Variants in CALN1 observed in about 807,000 individuals in gnomAD.
CALN1 encodes the protein calneuron 1, also known as calcium-binding protein 8.
A neutral mutation model predicts 30.6 loss-of-function variants in CALN1; 17 were observed. The ratio of observed to expected loss-of-function variants is 0.56; its 90% CI spans 0.38 to 0.83. The LOEUF is 0.83. Ranked by LOEUF, CALN1 falls within the 40% of genes least tolerant of loss-of-function variation. The pLI is 0.00. For synonymous variants in CALN1, 156 were observed against 131.4 expected (o/e 1.19, Z -1.28); for missense variants, 291 against 354.9 (o/e 0.82, Z 1.45).
intron 3 of CALN1, among the ~76,000 whole-genome samples, chr7:72,238,434 ATTTT>A (rs1237673399): frequency 2.6e-5 from 4 of 152,012 alleles, no homozygotes; most frequent in African/African-American, 4.8e-5. Context: ...TTATTTAATG[ATTTT>A]TTTATTTAAT....
At chr7:71,903,480 T>C (rs1433291423) in intron 5 of CALN1, among the ~76,000 whole-genome samples, 1 of 152,176 alleles carries the variant, frequency 6.6e-6, no homozygotes, top group Non-Finnish European at 1.5e-5. Flanking sequence ...TGAATGGTGT[T>C]GGGAAAACTG....
At chr7:72,076,646 AAGC>A in intron 4 of CALN1, among the ~76,000 whole-genome samples, 1 of 124,532 alleles carries the variant, frequency 8.0e-6, no homozygotes, top group Non-Finnish European at 1.7e-5. Flanking sequence ...AAAAAAAAAA[AAGC>A]AAAGACATGC....
At chr7:71,834,244 CA>C (rs61210762) in intron 5 of CALN1, among the ~76,000 whole-genome samples, 26,023 of 100,428 alleles carry the variant, frequency 0.26, 3,073 homozygotes, top group East Asian at 0.54. Context: ...AAAAAACCAA[CA>C]AAAAAAAACT....
chr7:72,358,230 C>T (rs1350350602), intron 2 of CALN1, among the ~76,000 whole-genome samples: 3 of 151,844 alleles, frequency 2.0e-5, no homozygotes, highest in African/African-American at 7.3e-5. Flanking sequence ...CCTGGCCTCA[C>T]GTGACCCTTG....
chr7:72,110,646 A>C, intron 3 of CALN1, among the ~76,000 whole-genome samples: 1 of 145,478 alleles, frequency 6.9e-6, no homozygotes, highest in African/African-American at 2.6e-5. Context: ...AAGCAGACAA[A>C]CCTCACTAAC....
intron 5 of CALN1, among the ~76,000 whole-genome samples, chr7:71,978,190 C>G (rs1451720274): frequency 2.0e-5 from 3 of 150,874 alleles, no homozygotes; most frequent in Non-Finnish European, 4.4e-5. Flanking sequence ...AAGGATCGTC[C>G]AACCAGATGC....
chr7:72,121,987 T>C (rs998951580), intron 3 of CALN1, among the ~76,000 whole-genome samples: 1 of 151,292 alleles, frequency 6.6e-6, no homozygotes, highest in Non-Finnish European at 1.5e-5. Flanking sequence ...TCCAGCAAAC[T>C]CCACAGCAGC....
chr7:72,081,417 G>GTGTGTGTGTTTGTGTGTGTGTGTC (rs145997789), intron 4 of CALN1, among the ~76,000 whole-genome samples: 7 of 146,190 alleles, frequency 4.8e-5, no homozygotes, highest in Non-Finnish European at 1.0e-4. Context: ...GTGTGTGTGT[G>GTGTGTGTGTTTGTGTGTGTGTGTC]TGTGTGTTTG....
intron 3 of CALN1, among the ~76,000 whole-genome samples, chr7:72,185,852 C>G (rs1790150545): frequency 6.6e-6 from 1 of 152,188 alleles, no homozygotes; most frequent in African/African-American, 2.4e-5. Flanking sequence ...TCCTCTTTGC[C>G]TTCCCCCATG....
intron 3 of CALN1, among the ~76,000 whole-genome samples, chr7:72,275,200 G>C (rs948435360): frequency 6.6e-6 from 1 of 152,034 alleles, no homozygotes; most frequent in African/African-American, 2.4e-5. Context: ...AGACCACAAA[G>C]GATGCTGCGA....
chr7:71,888,652 G>A (rs1168693087), intron 5 of CALN1, among the ~76,000 whole-genome samples: 1 of 152,148 alleles, frequency 6.6e-6, no homozygotes. Flanking sequence ...GAAAGCATAT[G>A]GCAATAGGTT....
At chr7:71,959,622 CT>C (rs11289767) in intron 5 of CALN1, among the ~76,000 whole-genome samples, 48,488 of 144,078 alleles carry the variant, frequency 0.34, 8,490 homozygotes, top group African/African-American at 0.48. Context: ...ACCTTTCCAG[CT>C]TTTTTTTTTT....
intron 1 of CALN1, among the ~76,000 whole-genome samples, chr7:72,410,950 G>A (rs1036433191): frequency 6.6e-5 from 10 of 152,066 alleles, no homozygotes; most frequent in African/African-American, 2.4e-4. Context: ...GATGGGAAAA[G>A]AAATAAAGTT....
At chr7:72,334,001 C>A (rs1256574526) in intron 2 of CALN1, among the ~76,000 whole-genome samples, 1 of 152,192 alleles carries the variant, frequency 6.6e-6, no homozygotes, top group Admixed American at 6.5e-5. Context: ...CACATAGGAT[C>A]GAAACCCAGC....
At chr7:72,262,730 TTTTC>T (rs1200603396) in intron 3 of CALN1, among the ~76,000 whole-genome samples, 3 of 152,190 alleles carry the variant, frequency 2.0e-5, no homozygotes, top group African/African-American at 7.2e-5. Flanking sequence ...ATGTACTACG[TTTTC>T]TTTAAGAGGA....
At chr7:72,145,012 G>T (rs996916651) in intron 3 of CALN1, among the ~76,000 whole-genome samples, 1 of 152,098 alleles carries the variant, frequency 6.6e-6, no homozygotes, top group African/African-American at 2.4e-5. Flanking sequence ...GCCCACAAGA[G>T]AAAGCAGGGA....
chr7:72,324,596 A>AT (rs2129557563), intron 2 of CALN1, among the ~76,000 whole-genome samples: 1 of 150,688 alleles, frequency 6.6e-6, no homozygotes, highest in East Asian at 2.0e-4. Flanking sequence ...TTATTTATTT[A>AT]TTTAGAGACA....
At chr7:72,272,242 T>C (rs956945439) in intron 3 of CALN1, among the ~76,000 whole-genome samples, 7 of 152,056 alleles carry the variant, frequency 4.6e-5, no homozygotes, top group African/African-American at 1.4e-4. Flanking sequence ...CCCCCTATGA[T>C]ATACAGAAGA....
At chr7:72,450,323 G>A (rs140287003), upstream of CALN1, among the ~76,000 whole-genome samples, 12 of 152,304 alleles carry the variant, frequency 7.9e-5, no homozygotes, top group African/African-American at 2.9e-4. Flanking sequence ...TTAAAGAAAG[G>A]TGTGGGAAAT....
Sources: allele counts gnomAD v4.1 joint callset (sites outside exome capture counted in the v4.1 genomes callset), GRCh38; gene constraint gnomAD v4.1.1; transcripts MANE v1.5; gene names NCBI Gene and HGNC (gene_info 2026-07-23, HGNC 2026-07-21).